Variants in CATSPER2 observed in about 807,000 individuals in gnomAD.
CATSPER2 encodes cation channel sperm associated 2, also known as cation channel sperm-associated protein 2.
CATSPER2 carries 56 observed loss-of-function variants against 68.8 expected under a neutral mutation model. The ratio of observed to expected loss-of-function variants is 0.81; its 90% CI spans 0.66 to 1.02. The LOEUF (loss-of-function observed/expected upper bound fraction) is 1.02. Ranked by LOEUF, CATSPER2 falls within the 50% of genes least tolerant of loss-of-function variation. The probability of loss-of-function intolerance (pLI) is 0.00; values close to 1 mark genes in which losing one functional copy is unlikely to be tolerated. For synonymous variants in CATSPER2, 198 were observed against 229.9 expected (o/e 0.86, Z 1.26); for missense variants, 582 against 642.0 (o/e 0.91, Z 1.01).
intron 4 of CATSPER2, among the ~76,000 whole-genome samples, chr15:43,644,340 T>C (rs2086123662): frequency 6.6e-6 from 1 of 152,172 alleles, no homozygotes; most frequent in South Asian, 2.1e-4. Context: ...ATAAGCTTAA[T>C]AAAATAAAAT....
intron 4 of CATSPER2, among the ~76,000 whole-genome samples, chr15:43,645,528 TG>T (rs1233297658): frequency 6.6e-6 from 1 of 151,866 alleles, no homozygotes; most frequent in Admixed American, 6.6e-5. Flanking sequence ...AACTCACGCC[TG>T]TAATCCCAGC....
At position 43,647,915 on chromosome 15, in the gene CATSPER2, A is replaced by T. The variant is rs371860907; in HGVS notation, c.145+2T>A. The T allele has an allele frequency of 2.5e-6, 4 of 1,613,372 alleles. No individual in the cohort carries two copies. The African/African-American group carries it at 5.3e-5, about 22-fold the overall frequency. ...AAATTAGTGAAGAAATAGGCTGCTG[A>T]CCAAGTAACTCCCTGATAGTGTGCC... On this transcript the variant is annotated splice_donor_variant, in intron 2 of 12. Transcript: ENST00000396879. LOFTEE classifies it high-confidence loss of function.
In CATSPER2 at chr15:43,629,322, T is replaced by G. The variant is rs1595967412; in HGVS notation, c.*1379A>C. On this transcript the variant is annotated 3_prime_UTR_variant, in exon 13 of 13. Coordinates refer to ENST00000396879, the MANE Select transcript of CATSPER2 (RefSeq NM_172095.4). ...CTGATTTTTTTCTCAACTCAGAATTTTTAACCTGAGTTAGAACCTTAGCTC... is the reference window on the plus strand; with the variant it reads ...CTGATTTTTTTCTCAACTCAGAATTGTTAACCTGAGTTAGAACCTTAGCTC... 1 of 124,930 alleles carries G rather than the reference T, an allele frequency of 8.0e-6. No individual in the cohort carries two copies. Among genetic ancestry groups the G allele is most frequent in the South Asian group, 2.8e-4 (1 of 3,572 alleles). The allele number at this position is 124,930 out of a possible 1,614,324, so 7.7% of individuals were successfully genotyped here. A position where few individuals can be genotyped will look rare whatever the true frequency, so the allele number is the denominator to read the frequency against.
At chr15:43,631,137 A>G (rs2085863206) in intron 12 of CATSPER2, among the ~76,000 whole-genome samples, 1 of 151,862 alleles carries the variant, frequency 6.6e-6, no homozygotes. Flanking sequence ...CTCCTCTCTA[A>G]TTTCTTATTT....
chr15:43,645,426 T>C (rs927974868), intron 4 of CATSPER2, among the ~76,000 whole-genome samples: 3 of 151,816 alleles, frequency 2.0e-5, no homozygotes, highest in African/African-American at 7.3e-5. Context: ...CACTGGACAT[T>C]TCTGTTGAGG....
chr15:43,630,857 A>C, intron 12 of CATSPER2, 125 bp from the exon 13 acceptor site: 1 of 1,583,946 alleles, frequency 6.3e-7, no homozygotes, highest in South Asian at 1.1e-5. Flanking sequence ...CTTTAAATTA[A>C]GCCATATGAT....
At position 43,632,301 on chromosome 15, in the gene CATSPER2, C is replaced by G. The variant is rs1227345368; in HGVS notation, c.1459G>C (p.Asp487His). ...NLPGLMEMDQ[D>H]DRVWPRDSLF... is the part of the protein sequence containing the mutation. ...GAGTCTCTGGGCCAAACACGGTCAT[C>G]CTGATCCATTTCCATTAGCCCGGGC... The change falls in exon 12 of 13, where the codon GAT (aspartate) becomes CAT (histidine). Residue 487 changes from aspartate (D) to histidine (H), a missense_variant. Transcript: ENST00000396879. 3 of 1,613,618 alleles carry G rather than the reference C, an allele frequency of 1.9e-6. No homozygotes were observed. In the African/African-American group the frequency reaches 4.0e-5, roughly 22 times the overall value.
intron 4 of CATSPER2, among the ~76,000 whole-genome samples, chr15:43,645,680 C>A (rs2086151606): frequency 6.6e-6 from 1 of 151,674 alleles, no homozygotes; most frequent in Admixed American, 6.6e-5. Context: ...GTAGTCCAAG[C>A]TACTCAGGAG....
chr15:43,640,966 G>A lies in CATSPER2; in HGVS notation c.389-470C>T, dbSNP rs535881820. Among the ~76,000 whole-genome samples the A allele has an allele frequency of 2.0e-4, 31 of 151,470 alleles. 2 individuals carry two copies. The East Asian group carries it at 5.6e-3, about 27-fold the overall frequency. ...CAAGCCACAATCATTAGGGTATATC[G>A]AATTATAACAATAAATCACTTGGTT... On this transcript the variant is annotated intron_variant, in intron 4 of 12. Coordinates refer to ENST00000396879, the MANE Select transcript of CATSPER2 (RefSeq NM_172095.4).
intron 7 of CATSPER2, among the ~76,000 whole-genome samples, chr15:43,638,493 T>G (rs1370439344): frequency 6.6e-6 from 1 of 151,560 alleles, no homozygotes; most frequent in Non-Finnish European, 1.5e-5. Flanking sequence ...TTCACCATGT[T>G]GGCTAGGATG....
At chr15:43,647,188 A>G in intron 3 of CATSPER2, 70 bp from the exon 4 acceptor site, 1 of 1,567,176 alleles carries the variant, frequency 6.4e-7, no homozygotes, top group Non-Finnish European at 8.8e-7. Context: ...AATAAGAGCA[A>G]TAACATAAGC....
chr15:43,647,571 T>A, intron 2 of CATSPER2, 104 bp from the exon 3 acceptor site: 1 of 1,038,160 alleles, frequency 9.6e-7, no homozygotes, highest in Non-Finnish European at 1.5e-6. Context: ...CCCTAATGCC[T>A]TACTGCTAGT....
At position 43,635,770 on chromosome 15, in the gene CATSPER2, C is replaced by A. The variant is rs1223246564; in HGVS notation, c.1078G>T (p.Val360Phe). 6.2e-7 allele frequency: 1 copy of A among 1,613,596 alleles called. No homozygotes were observed. Among genetic ancestry groups the A allele is most frequent in the East Asian group, 2.2e-5 (1 of 44,862 alleles). Residue 360 changes from valine (V) to phenylalanine (F), a missense_variant, in exon 9 of 13, where the codon GTT becomes TTT. Physicochemically the swap from Val to Phe is conservative, Grantham distance 50. This residue lies in a region of CATSPER2 where 235 missense variants were observed against 264.2 expected (regional missense o/e 0.89). Coordinates refer to ENST00000396879, the MANE Select transcript of CATSPER2 (RefSeq NM_172095.4). Reference sequence around the variant, plus strand: ...TTGAACATGTCAGCTTTGAGCTGAACCTCCCGACGCGCCATCTCCTCATTC... The same window carrying A: ...TTGAACATGTCAGCTTTGAGCTGAAACTCCCGACGCGCCATCTCCTCATTC... ...ELNEEMARRE[V>F]QLKADMFKRQ...
Position 43,630,748 on chromosome 15 carries a change from A to G in CATSPER2, c.1562-16T>C, listed in dbSNP as rs1175859822. ...AGTGCCTGCACTGCAAAGGAAACAGATTGTGAGGCTGGAGAGCTAAGAATA... is the reference window on the plus strand; with the variant it reads ...AGTGCCTGCACTGCAAAGGAAACAGGTTGTGAGGCTGGAGAGCTAAGAATA... On this transcript the variant is annotated splice_polypyrimidine_tract_variant and intron_variant, in intron 12 of 12. Coordinates refer to ENST00000396879, the MANE Select transcript of CATSPER2 (RefSeq NM_172095.4). 1 of 1,612,292 alleles carries G rather than the reference A, an allele frequency of 6.2e-7. No homozygotes were observed. The highest frequency in any genetic ancestry group is 1.7e-5 in the Admixed American group (1 of 59,882).
intron 11 of CATSPER2, 97 bp downstream of exon 11, chr15:43,632,620 G>C (rs1391237177): frequency 6.3e-7 from 1 of 1,599,800 alleles, no homozygotes; most frequent in Non-Finnish European, 8.5e-7. Flanking sequence ...AATTGGAAAG[G>C]AGATATACTA....
Position 43,631,502 on chromosome 15 carries a change from T to A in CATSPER2, c.1561+697A>T, listed in dbSNP as rs1471168399. On this transcript the variant is annotated intron_variant, in intron 12 of 12. Coordinates refer to ENST00000396879, the MANE Select transcript of CATSPER2 (RefSeq NM_172095.4). The stretch of plus-strand genomic sequence containing the variant: ...CCTCGGCCTCCCAAAGTGCTGGGAT[T>A]ACAGGTGTGAGCCACCGTGCCCGGC... The A allele has an allele frequency of 2.4e-5, 9 of 369,462 alleles. No homozygotes were observed. In the East Asian group the frequency reaches 7.4e-4, roughly 30 times the overall value. The allele number at this position is 369,462 out of a possible 1,614,324, so 22.9% of individuals were successfully genotyped here.
chr15:43,648,861 GC>G, upstream of CATSPER2: 11 of 1,515,524 alleles, frequency 7.3e-6, no homozygotes, highest in Non-Finnish European at 9.7e-6. Context: ...CCAGCCACTC[GC>G]CGCCTAGGCC....
chr15:43,638,514 CTT>C (rs1359297735), intron 7 of CATSPER2, among the ~76,000 whole-genome samples: 1 of 151,588 alleles, frequency 6.6e-6, no homozygotes, highest in African/African-American at 2.4e-5. Flanking sequence ...GTCTCGATCT[CTT>C]TACCTCATGA....
chr15:43,632,298 C>T lies in CATSPER2; in HGVS notation c.1462G>A (p.Asp488Asn). 6.2e-7 allele frequency: 1 copy of T among 1,613,728 alleles called. No homozygotes were observed. The highest frequency in any genetic ancestry group is 1.1e-5 in the South Asian group (1 of 91,034). The change falls in exon 12 of 13, where the codon GAC becomes AAC. Residue 488 changes from aspartate (D) to asparagine (N), a missense_variant. Coordinates refer to ENST00000396879, the MANE Select transcript of CATSPER2 (RefSeq NM_172095.4). ...AGTGAGTCTCTGGGCCAAACACGGT[C>T]ATCCTGATCCATTTCCATTAGCCCG... ...LPGLMEMDQDDRVWPRDSLFR... is the reference protein window; with the variant it reads ...LPGLMEMDQDNRVWPRDSLFR...
Sources: gnomAD v4.1 joint callset for allele counts (sites outside exome capture counted in the v4.1 genomes callset) on GRCh38, gnomAD v4.1.1 for gene constraint, gnomAD v4.1.1 regional missense constraint, MANE v1.5 for transcripts, NCBI Gene and HGNC (gene_info 2026-07-23, HGNC 2026-07-21) for gene names.